Variants in SCUBE2 observed in about 807,000 individuals in gnomAD.
SCUBE2 encodes signal peptide, CUB domain and EGF like domain containing 2, also known as signal peptide, CUB and EGF-like domain-containing protein 2.
A neutral mutation model predicts 125.9 loss-of-function variants in SCUBE2; 114 were observed. The observed-to-expected ratio is 0.91, with a 90% confidence interval of 0.78 to 1.06. The LOEUF (loss-of-function observed/expected upper bound fraction) is 1.06. SCUBE2 is among the 50% of genes least tolerant of loss of function. The probability of loss-of-function intolerance (pLI) is 0.00; values close to 1 mark genes in which losing one functional copy is unlikely to be tolerated. For synonymous variants in SCUBE2, 459 were observed against 492.9 expected, an observed-to-expected ratio of 0.93 and a Z score of 0.91; for missense variants, 1,255 against 1,301.8, an observed-to-expected ratio of 0.96 and a Z score of 0.55.
In SCUBE2 at chr11:9,091,291, C is replaced by CAGCCCCG. The variant is rs1862697647; in HGVS notation, c.133+98_133+104dup. 7 of 820,716 alleles carry CAGCCCCG rather than the reference C, an allele frequency of 8.5e-6. No individual in the cohort carries two copies. Among genetic ancestry groups the CAGCCCCG allele is most frequent in the Non-Finnish European group, 1.1e-5 (7 of 625,418 alleles). 50.8% of individuals were successfully genotyped at this position (820,716 alleles called of 1,614,324 possible). A position where few individuals can be genotyped will look rare whatever the true frequency, so the allele number is the denominator to read the frequency against. ...GAGGCCCCCGCGGAGCTGCAGCCGC[C>CAGCCCCG]AGCCCCGAGCCCCGCGCGCCCGGCT... is the stretch of plus-strand genomic sequence containing the variant. On this transcript the variant is annotated intron_variant, in intron 1 of 22. Transcript: ENST00000649792. The surrounding 1 kb of genome is among the most constrained non-coding windows in gnomAD (Gnocchi z 8.5).
intron 7 of SCUBE2, among the ~76,000 whole-genome samples, chr11:9,061,837 G>T (rs1293923454): frequency 6.6e-6 from 1 of 152,162 alleles, no homozygotes; most frequent in Non-Finnish European, 1.5e-5. Flanking sequence ...GTCTGCAGAG[G>T]GGGTGCCAAC....
chr11:9,022,150 G>A, intron 21 of SCUBE2, 195 bp from the exon 22 acceptor site: 1 of 547,646 alleles, frequency 1.8e-6, no homozygotes, highest in Non-Finnish European at 3.3e-6. Flanking sequence ...ACCAGCATCT[G>A]CACCCATCTT....
intron 2 of SCUBE2, 93 bp downstream of exon 2, chr11:9,089,614 G>T: frequency 7.2e-7 from 1 of 1,391,628 alleles, no homozygotes; most frequent in East Asian, 2.3e-5. Flanking sequence ...GGAGAGGAGG[G>T]GCAGTACTTT....
intron 8 of SCUBE2, among the ~76,000 whole-genome samples, chr11:9,060,096 T>C (rs1859512076): frequency 6.6e-6 from 1 of 152,242 alleles, no homozygotes; most frequent in Non-Finnish European, 1.5e-5. Context: ...ATGTTGATAT[T>C]ATCTCCTGCA....
chr11:9,035,545 T>A (rs1326888773), intron 16 of SCUBE2, among the ~76,000 whole-genome samples: 1 of 152,164 alleles, frequency 6.6e-6, no homozygotes, highest in Non-Finnish European at 1.5e-5. Context: ...AGAAAAAAAT[T>A]ACATGATAAA....
At chr11:9,059,695 T>C (rs1292833437) in intron 8 of SCUBE2, 1 of 448,970 alleles carries the variant, frequency 2.2e-6, no homozygotes, top group Non-Finnish European at 4.0e-6. Flanking sequence ...TGGGAAAGAA[T>C]GATGACGTCC....
chr11:9,039,991 C>G (rs900697074), intron 16 of SCUBE2, among the ~76,000 whole-genome samples: 1 of 152,218 alleles, frequency 6.6e-6, no homozygotes, highest in Admixed American at 6.5e-5. Context: ...GTGACGCGAG[C>G]CCATGCGCAC....
At position 9,050,611 on chromosome 11, in the gene SCUBE2, A is replaced by C; in HGVS notation, c.1634T>G (p.Leu545Arg). The C allele has an allele frequency of 1.2e-6, 2 of 1,612,634 alleles. No individual in the cohort carries two copies. The highest frequency in any genetic ancestry group is 1.7e-6 in the Non-Finnish European group (2 of 1,178,578). ...ELFPEGLRPA[L>R]PEKHSSVKES... ...CCAACCACCTGATTCCATACCTGGTAGTGCTGGTCGCAGACCCTCGGGAAA... is the reference window on the plus strand; with the variant it reads ...CCAACCACCTGATTCCATACCTGGTCGTGCTGGTCGCAGACCCTCGGGAAA... The change falls in exon 14 of 23, where the codon CTA becomes CGA. Residue 545 changes from leucine (L) to arginine (R), a missense_variant. Around this residue, in one of 3 missense-constraint regions of SCUBE2, gnomAD observed 378 missense variants for 463.1 expected, o/e 0.82. Transcript: ENST00000649792.
intron 16 of SCUBE2, among the ~76,000 whole-genome samples, chr11:9,044,384 C>G (rs1454790821): frequency 1.3e-5 from 2 of 152,130 alleles, no homozygotes. Context: ...TCCCGAGTAG[C>G]TGGGACTACA....
Position 9,025,750 on chromosome 11 carries a change from CA to C in SCUBE2, c.2805del (p.Asn935LysfsTer14). On this transcript the variant is annotated frameshift_variant, in exon 21 of 23. Coordinates refer to ENST00000649792, the MANE Select transcript of SCUBE2 (RefSeq NM_001367977.2). LOFTEE classifies it high-confidence loss of function. ...TGGAACCCTCTAGCGCTGTTCCCTTCATTGGACTTGAACTGAATCCACAGCT... is the reference window on the plus strand; with the variant it reads ...TGGAACCCTCTAGCGCTGTTCCCTTCTTGGACTTGAACTGAATCCACAGCT... The part of the protein sequence containing the change: ...SKKLWIQFKS[N>X]EGNSARGFQV... 2 of 1,614,180 alleles carry C rather than the reference CA, an allele frequency of 1.2e-6. No individual in the cohort carries two copies. The highest frequency in any genetic ancestry group is 2.2e-5 in the South Asian group (2 of 91,084).
chr11:9,061,472 T>C (rs751655835), intron 7 of SCUBE2, among the ~76,000 whole-genome samples: 1 of 150,748 alleles, frequency 6.6e-6, no homozygotes, highest in Non-Finnish European at 1.5e-5. Flanking sequence ...AGCAGGAAGA[T>C]CACTTGAGCC....
At chr11:9,048,424 A>C (rs930627727) in intron 14 of SCUBE2, among the ~76,000 whole-genome samples, 1 of 152,240 alleles carries the variant, frequency 6.6e-6, no homozygotes, top group Admixed American at 6.5e-5. Flanking sequence ...CGGTTTGCTA[A>C]CGTGTGCTTA....
chr11:9,047,256 G>T, intron 16 of SCUBE2, 100 bp downstream of exon 16: 1 of 1,187,746 alleles, frequency 8.4e-7, no homozygotes, highest in Non-Finnish European at 1.2e-6. Context: ...TCTAAAGTGA[G>T]CCCTGAGAAG....
At chr11:9,089,574 AG>A in intron 2 of SCUBE2, 132 bp downstream of exon 2, 1 of 936,710 alleles carries the variant, frequency 1.1e-6, no homozygotes, top group Non-Finnish European at 1.6e-6. Flanking sequence ...TTCAGAGAGC[AG>A]GTGATGTGAT....
At chr11:9,023,629 G>A (rs963480786) in intron 21 of SCUBE2, among the ~76,000 whole-genome samples, 6 of 152,148 alleles carry the variant, frequency 3.9e-5, no homozygotes, top group Non-Finnish European at 8.8e-5. Flanking sequence ...CATTAGAAAC[G>A]CAGGAAAGTT....
At chr11:9,052,646 CA>C (rs898606511) in intron 13 of SCUBE2, 99 bp downstream of exon 13, 1 of 877,246 alleles carries the variant, frequency 1.1e-6, no homozygotes, top group African/African-American at 1.7e-5. Flanking sequence ...AGGAAATTAA[CA>C]GAAAAAAAAC....
intron 2 of SCUBE2, 47 bp from the exon 3 acceptor site, chr11:9,079,556 T>C (rs1161988275): frequency 3.8e-6 from 6 of 1,598,906 alleles, no homozygotes; most frequent in South Asian, 1.1e-5. Flanking sequence ...ATTTCTTTGA[T>C]GTGAAAACAT....
chr11:9,052,464 C>G (rs1453080647), intron 13 of SCUBE2, among the ~76,000 whole-genome samples: 4 of 152,210 alleles, frequency 2.6e-5, no homozygotes, highest in African/African-American at 9.6e-5. Flanking sequence ...TGGAGTACAG[C>G]CTGCTGGTCC....
chr11:9,025,665 A>G, intron 21 of SCUBE2, 37 bp downstream of exon 21: 1 of 1,611,208 alleles, frequency 6.2e-7, no homozygotes, highest in Middle Eastern at 1.7e-4. Context: ...TGTTCAAAGC[A>G]GAGACGCTCT....
Sources: gnomAD v4.1 joint callset for allele counts (sites outside exome capture counted in the v4.1 genomes callset) on GRCh38, gnomAD v4.1.1 for gene constraint, gnomAD v4.1.1 regional missense constraint, Gnocchi (gnomAD v3.1) non-coding constraint, MANE v1.5 for transcripts, NCBI Gene and HGNC (gene_info 2026-07-23, HGNC 2026-07-21) for gene names.